Variants in C10orf90 observed in about 807,000 individuals in gnomAD.
C10orf90 encodes the protein chromosome 10 open reading frame 90, also known as (E2-independent) E3 ubiquitin-conjugating enzyme FATS.
C10orf90 carries 56 observed loss-of-function variants against 62.5 expected under a neutral mutation model. The observed-to-expected ratio is 0.90, with a 90% confidence interval of 0.72 to 1.12. The LOEUF (loss-of-function observed/expected upper bound fraction) is 1.12, where lower values mean the gene tolerates loss of function less well. Among genes scored for constraint, C10orf90 ranks in the 50% most tolerant of loss-of-function variants. The pLI is 0.00. For missense variants in C10orf90, 970 were observed against 880.4 expected (o/e 1.10, Z -1.29); for synonymous variants, 386 against 340.4 (o/e 1.13, Z -1.47).
chr10:126,592,218 A>G (rs1051114091), intron 2 of C10orf90, among the ~76,000 whole-genome samples: 1 of 152,236 alleles, frequency 6.6e-6, no homozygotes, highest in Non-Finnish European at 1.5e-5. Context: ...ATATGGAAAC[A>G]AAAAAGAGCC....
At chr10:126,535,526 A>C (rs1418768268) in intron 2 of C10orf90, among the ~76,000 whole-genome samples, 10 of 152,074 alleles carry the variant, frequency 6.6e-5, no homozygotes, top group Admixed American at 6.5e-4. Context: ...CAAAAAAAAA[A>C]AAAAAAATTG....
At chr10:126,498,328 C>T (rs113153472) in intron 4 of C10orf90, among the ~76,000 whole-genome samples, 1 of 152,322 alleles carries the variant, frequency 6.6e-6, no homozygotes, top group African/African-American at 2.4e-5. Flanking sequence ...AATACCTTCA[C>T]TCCTGCCACC....
At chr10:126,446,554 A>G (rs527892091) in intron 7 of C10orf90, among the ~76,000 whole-genome samples, 66 of 152,290 alleles carry the variant, frequency 4.3e-4, no homozygotes, top group African/African-American at 1.4e-3. Context: ...TTTGGAAATG[A>G]GAGATAAAGG....
chr10:126,574,512 T>C (rs951028085), intron 2 of C10orf90, among the ~76,000 whole-genome samples: 1 of 152,058 alleles, frequency 6.6e-6, no homozygotes, highest in Non-Finnish European at 1.5e-5. Context: ...GCAAAAATTT[T>C]AAACAAAATA....
chr10:126,576,741 T>G (rs1301486123), intron 2 of C10orf90, among the ~76,000 whole-genome samples: 10 of 65,354 alleles, frequency 1.5e-4, no homozygotes, highest in Non-Finnish European at 2.2e-4. Flanking sequence ...TATGTATATG[T>G]ATATATACAT....
intron 4 of C10orf90, 90 bp downstream of exon 4, chr10:126,503,867 G>C (rs1364841571): frequency 1.4e-6 from 2 of 1,464,510 alleles, no homozygotes; most frequent in African/African-American, 2.8e-5. Flanking sequence ...ATGCCTCTTA[G>C]AATAAGTTTT....
chr10:126,564,053 G>A (rs961313948), intron 2 of C10orf90, among the ~76,000 whole-genome samples: 1 of 152,140 alleles, frequency 6.6e-6, no homozygotes, highest in Non-Finnish European at 1.5e-5. Context: ...CACCCCAGGT[G>A]TGAAAACCAC....
At chr10:126,561,557 T>C (rs777146622) in intron 2 of C10orf90, among the ~76,000 whole-genome samples, 2 of 152,092 alleles carry the variant, frequency 1.3e-5, no homozygotes, top group East Asian at 1.9e-4. Flanking sequence ...GGAATTCCGA[T>C]GACAAAAACG....
intron 2 of C10orf90, among the ~76,000 whole-genome samples, chr10:126,613,497 G>A (rs1845480530): frequency 6.6e-6 from 1 of 152,046 alleles, no homozygotes. Flanking sequence ...CCTCCCACCT[G>A]GGCCTCCCAA....
At chr10:126,524,332 T>C (rs1863869385) in intron 2 of C10orf90, among the ~76,000 whole-genome samples, 1 of 152,098 alleles carries the variant, frequency 6.6e-6, no homozygotes, top group Admixed American at 6.5e-5. Context: ...TAGACACAGG[T>C]AGTCTCTGTT....
intron 2 of C10orf90, among the ~76,000 whole-genome samples, chr10:126,596,073 A>G (rs929754765): frequency 1.2e-4 from 19 of 152,100 alleles, no homozygotes; most frequent in African/African-American, 4.3e-4. Flanking sequence ...GAATGCCAAA[A>G]CTACTAACCA....
chr10:126,609,342 G>T (rs537990625), intron 2 of C10orf90, among the ~76,000 whole-genome samples: 2 of 152,336 alleles, frequency 1.3e-5, no homozygotes, highest in East Asian at 3.9e-4. Context: ...GGCAGAGGTT[G>T]CAGTGAGCCG....
chr10:126,545,505 C>T (rs1236416816), intron 2 of C10orf90, among the ~76,000 whole-genome samples: 1 of 152,006 alleles, frequency 6.6e-6, no homozygotes, highest in African/African-American at 2.4e-5. Context: ...TTCTTACCAA[C>T]ATGTGTTGGC....
chr10:126,451,109 C>G (rs1299404158), intron 7 of C10orf90, among the ~76,000 whole-genome samples: 1 of 151,562 alleles, frequency 6.6e-6, no homozygotes, highest in Non-Finnish European at 1.5e-5. Flanking sequence ...CACAAACCAT[C>G]AGGGAAATGC....
Position 126,593,659 on chromosome 10 carries a change from C to T in C10orf90, c.313+52906G>A, listed in dbSNP as rs890212461. 7.9e-5 allele frequency among the ~76,000 whole-genome samples: 12 copies of T among 151,938 alleles called. No homozygotes were observed. In the South Asian group the frequency reaches 1.5e-3, roughly 18 times the overall value. On this transcript the variant is annotated intron_variant, in intron 2 of 9. Transcript: ENST00000488181. The stretch of plus-strand genomic sequence containing the variant: ...AACCACCATGGCACATGTTTATCTA[C>T]GTAACAAACCTGCACATGTGCCCCA...
intron 2 of C10orf90, among the ~76,000 whole-genome samples, chr10:126,605,096 T>C (rs1315328113): frequency 1.3e-5 from 2 of 152,250 alleles, no homozygotes; most frequent in Non-Finnish European, 2.9e-5. Context: ...ACACTAATCA[T>C]TTAATGGCCA....
intron 2 of C10orf90, among the ~76,000 whole-genome samples, chr10:126,643,903 G>A (rs541031459): frequency 1.3e-5 from 2 of 152,130 alleles, no homozygotes; most frequent in East Asian, 3.9e-4. Context: ...AGGCAGAAAG[G>A]CCGGCCATGG....
intron 3 of C10orf90, among the ~76,000 whole-genome samples, chr10:126,505,473 T>C (rs1438363877): frequency 6.6e-6 from 1 of 152,164 alleles, no homozygotes; most frequent in Non-Finnish European, 1.5e-5. Context: ...GGCTGGAACT[T>C]GGGGCCACAG....
intron 4 of C10orf90, among the ~76,000 whole-genome samples, chr10:126,497,975 A>C (rs1269071627): frequency 1.3e-5 from 2 of 152,202 alleles, no homozygotes; most frequent in Admixed American, 1.3e-4. Context: ...ACTTGTTGTT[A>C]ACAATGAAAC....
Sources: allele counts gnomAD v4.1 joint callset (sites outside exome capture counted in the v4.1 genomes callset), GRCh38; gene constraint gnomAD v4.1.1; transcripts MANE v1.5; gene names NCBI Gene and HGNC (gene_info 2026-07-23, HGNC 2026-07-21).